Variants in ZRANB3 observed in about 807,000 individuals in gnomAD.
ZRANB3 encodes zinc finger RANBP2-type containing 3.
ZRANB3 carries 125 observed loss-of-function variants against 133.8 expected under a neutral mutation model. The observed-to-expected ratio is 0.93, with a 90% CI of 0.81 to 1.08. ZRANB3 has a LOEUF of 1.08. Among genes scored for constraint, ZRANB3 ranks in the 50% least tolerant of loss-of-function variants. ZRANB3 has a pLI of 0.00. For missense variants in ZRANB3, 1,229 were observed against 1,275.5 expected (o/e 0.96, Z 0.56); for synonymous variants, 387 against 432.7 (o/e 0.89, Z 1.31).
intron 8 of ZRANB3, among the ~76,000 whole-genome samples, chr2:135,309,081 C>T (rs549721579): frequency 1.3e-4 from 19 of 150,746 alleles, no homozygotes; most frequent in African/African-American, 3.2e-4. Flanking sequence ...CCTGGGTTCA[C>T]GCCATTCTCC....
chr2:135,474,515 T>C (rs1691418400), intron 2 of ZRANB3, among the ~76,000 whole-genome samples: 1 of 152,078 alleles, frequency 6.6e-6, no homozygotes, highest in Non-Finnish European at 1.5e-5. Context: ...AATCTGATCA[T>C]TCAAAAGAAG....
chr2:135,282,292 C>A (rs963657337), intron 8 of ZRANB3, among the ~76,000 whole-genome samples: 5 of 152,162 alleles, frequency 3.3e-5, no homozygotes, highest in African/African-American at 1.2e-4. Flanking sequence ...CAGCTCACCA[C>A]AAAAGGAAGG....
At chr2:135,464,288 T>C (rs941980881) in intron 2 of ZRANB3, among the ~76,000 whole-genome samples, 8 of 152,188 alleles carry the variant, frequency 5.3e-5, no homozygotes, top group African/African-American at 1.9e-4. Flanking sequence ...TTGTTCTTCT[T>C]TCTTCCTAAC....
chr2:135,434,539 G>A (rs776592112), intron 2 of ZRANB3, among the ~76,000 whole-genome samples: 3 of 152,214 alleles, frequency 2.0e-5, no homozygotes, highest in Non-Finnish European at 4.4e-5. Context: ...CTAGAAGTGA[G>A]TATTTAAAGG....
intron 2 of ZRANB3, 23 bp from the exon 3 acceptor site, chr2:135,390,843 A>T (rs893649518): frequency 2.2e-5 from 32 of 1,466,160 alleles, no homozygotes; most frequent in Non-Finnish European, 2.9e-5. Flanking sequence ...AAAAAAAAAA[A>T]TTAATTATCA....
chr2:135,265,539 T>G lies in ZRANB3; in HGVS notation c.1534A>C (p.Thr512Pro), dbSNP rs749093116. The G allele has an allele frequency of 3.1e-6, 5 of 1,611,648 alleles. No homozygotes were observed. The highest frequency in any genetic ancestry group is 1.1e-5 in the South Asian group (1 of 90,454). Residue 512 changes from threonine to proline, a missense_variant, in exon 12 of 21, where the codon ACT becomes CCT. Transcript: ENST00000264159. ...SEELRKEALF[T>P]HFEKEKQHDI... ...AGTAAGGCATATAATCTTACGTGAGTGAACAAAGCTTCCTTCCTTAACTCT... is the reference window on the plus strand; with the variant it reads ...AGTAAGGCATATAATCTTACGTGAGGGAACAAAGCTTCCTTCCTTAACTCT...
intron 2 of ZRANB3, among the ~76,000 whole-genome samples, chr2:135,478,176 C>T (rs928651329): frequency 2.0e-5 from 3 of 151,696 alleles, no homozygotes; most frequent in Non-Finnish European, 4.4e-5. Flanking sequence ...TACATACACA[C>T]GTCTATAAAT....
intron 1 of ZRANB3, chr2:135,511,607 C>T (rs539871778): frequency 6.2e-5 from 50 of 808,426 alleles, no homozygotes; most frequent in Non-Finnish European, 9.4e-5. Flanking sequence ...GGAGCAAGTA[C>T]GAACATCTGC....
intron 1 of ZRANB3, among the ~76,000 whole-genome samples, chr2:135,523,871 T>C (rs948738461): frequency 7.9e-5 from 12 of 152,112 alleles, no homozygotes; most frequent in African/African-American, 2.7e-4. Context: ...GGGTGAAGAT[T>C]GTGGGCCATG....
chr2:135,245,877 G>A (rs1695764972), intron 12 of ZRANB3, among the ~76,000 whole-genome samples: 1 of 111,742 alleles, frequency 8.9e-6, no homozygotes, highest in East Asian at 3.4e-4. Flanking sequence ...GGTGAGCCGA[G>A]ATCGCGTCAT....
intron 3 of ZRANB3, among the ~76,000 whole-genome samples, chr2:135,365,242 G>A (rs1358500576): frequency 6.6e-6 from 1 of 152,124 alleles, no homozygotes; most frequent in African/African-American, 2.4e-5. Flanking sequence ...ACTCCAGCCT[G>A]GGTGACAGAC....
chr2:135,204,842 T>C (rs1693795464), intron 19 of ZRANB3, among the ~76,000 whole-genome samples: 1 of 150,548 alleles, frequency 6.6e-6, no homozygotes, highest in Non-Finnish European at 1.5e-5. Context: ...GAGCCTATTG[T>C]GTTCCTTATT....
chr2:135,407,974 G>A (rs996867306), intron 2 of ZRANB3, among the ~76,000 whole-genome samples: 2 of 142,556 alleles, frequency 1.4e-5, no homozygotes, highest in South Asian at 2.1e-4. Flanking sequence ...ATTGTCAAAT[G>A]GGATCTAATT....
chr2:135,409,559 T>C (rs1688208473), intron 2 of ZRANB3, among the ~76,000 whole-genome samples: 1 of 152,038 alleles, frequency 6.6e-6, no homozygotes. Flanking sequence ...CTGAAAGTGT[T>C]CCACCGAAGA....
chr2:135,391,043 T>C (rs1418851762), intron 2 of ZRANB3, among the ~76,000 whole-genome samples: 1 of 152,060 alleles, frequency 6.6e-6, no homozygotes, highest in Non-Finnish European at 1.5e-5. Flanking sequence ...GTATTTTTAG[T>C]AGAGAAGGGG....
intron 2 of ZRANB3, among the ~76,000 whole-genome samples, chr2:135,438,515 A>G (rs1471990348): frequency 6.6e-6 from 1 of 151,884 alleles, no homozygotes; most frequent in Admixed American, 6.6e-5. Context: ...CAAAAAAAAA[A>G]AAAAAAAAAA....
chr2:135,474,646 G>T (rs1444963694), intron 2 of ZRANB3, among the ~76,000 whole-genome samples: 1 of 152,138 alleles, frequency 6.6e-6, no homozygotes, highest in Non-Finnish European at 1.5e-5. Flanking sequence ...CTGGTATCAT[G>T]CTAGTACAGC....
intron 3 of ZRANB3, among the ~76,000 whole-genome samples, chr2:135,382,664 G>C (rs1686770512): frequency 6.6e-6 from 1 of 152,184 alleles, no homozygotes; most frequent in Non-Finnish European, 1.5e-5. Flanking sequence ...CTACAAGCCA[G>C]AAGAGACTGG....
chr2:135,508,634 GATAAATA>G (rs1462764854), intron 1 of ZRANB3, among the ~76,000 whole-genome samples: 2 of 151,994 alleles, frequency 1.3e-5, no homozygotes, highest in Non-Finnish European at 2.9e-5. Context: ...CAGATATTTG[GATAAATA>G]AAGAACTTAA....
Sources: allele counts gnomAD v4.1 joint callset (sites outside exome capture counted in the v4.1 genomes callset), GRCh38; gene constraint gnomAD v4.1.1; transcripts MANE v1.5; gene names NCBI Gene and HGNC (gene_info 2026-07-23, HGNC 2026-07-21).